The following CFH variants were observed in gnomAD, a reference collection of about 807,000 sequenced individuals.
CFH encodes the protein H factor 1 (complement).
In CFH, 53 loss-of-function variants were observed where a neutral mutation model predicts 147.3. That is an observed-to-expected ratio of 0.36 (90% CI 0.29 to 0.45). The LOEUF (loss-of-function observed/expected upper bound fraction) is 0.45, where lower values mean the gene tolerates loss of function less well. Ranked by LOEUF, CFH falls within the 20% of genes least tolerant of loss-of-function variation. The pLI is 1.00. For missense variants in CFH, 1,380 were observed against 1,498.0 expected, an observed-to-expected ratio of 0.92 and a Z score of 1.30; for synonymous variants, 536 against 489.4, an observed-to-expected ratio of 1.10 and a Z score of -1.26.
chr1:196,742,087 T>C (rs760373629), intron 19 of CFH, 36 bp downstream of exon 19: 17 of 1,604,506 alleles, frequency 1.1e-5, no homozygotes, highest in African/African-American at 4.0e-5. Context: ...ATTTATATAA[T>C]GTGTGGGCCC....
intron 9 of CFH, among the ~76,000 whole-genome samples, chr1:196,706,492 G>A (rs1373360405): frequency 6.6e-6 from 1 of 152,006 alleles, no homozygotes; most frequent in African/African-American, 2.4e-5. Flanking sequence ...ATTAATCCCT[G>A]AAATAAACTT....
rs1157468490 is a variant in CFH, at chr1:196,689,558, A to G, written c.1103A>G (p.Tyr368Cys). 1.9e-6 allele frequency: 3 copies of G among 1,613,600 alleles called. No individual in the cohort carries two copies. Among genetic ancestry groups the G allele is most frequent in the Admixed American group, 3.3e-5 (2 of 59,952 alleles). Residue 368 changes from tyrosine (Y) to cysteine (C), a missense_variant, in exon 8 of 22, where the codon TAC (tyrosine) becomes TGC (cysteine). Physicochemically the swap from Tyr to Cys is radical, Grantham distance 194. Transcript: ENST00000367429. Reference protein sequence around the residue: ...DEHFETPSGSYWDHIHCTQDG... With the variant: ...DEHFETPSGSCWDHIHCTQDG... ...CATTTTGAGACTCCGTCAGGAAGTT[A>G]CTGGGATCACATTCATTGCACACAA... is the stretch of plus-strand genomic sequence containing the variant.
intron 1 of CFH, among the ~76,000 whole-genome samples, chr1:196,659,157 C>T (rs1289337679): frequency 6.6e-6 from 1 of 152,156 alleles, no homozygotes; most frequent in Non-Finnish European, 1.5e-5. Context: ...GTTGTACATA[C>T]ATGCTGAGAG....
rs527447657 is a variant in CFH, at chr1:196,697,902, T to G, written c.1336+7663T>G. ...CATCATTCTCAGCAAACTATGGCAA[T>G]GACAAAAAACCAAGCATCGCATGCT... is the stretch of plus-strand genomic sequence containing the variant. On this transcript the variant is annotated intron_variant, in intron 9 of 21. Transcript: ENST00000367429. Among the ~76,000 whole-genome samples the G allele has an allele frequency of 7.5e-5, 11 of 147,326 alleles. No individual in the cohort carries two copies. In the East Asian group the frequency reaches 1.8e-3, roughly 25 times the overall value.
chr1:196,743,480 A>G lies in CFH; in HGVS notation c.3162A>G (p.Val1054=), dbSNP rs781356337. The part of the protein sequence containing the change: ...RDTSCVNPPT[V]QNAYIVSRQM... ...CCTCCTGTGTGAATCCGCCCACAGT[A>G]CAAAATGCTTATATAGTGTCGAGAC... The change falls in exon 20 of 22, where the codon GTA becomes GTG. Residue 1054 remains valine, a synonymous_variant. Coordinates refer to ENST00000367429, the MANE Select transcript of CFH (RefSeq NM_000186.4). 6.2e-7 allele frequency: 1 copy of G among 1,614,046 alleles called. No homozygotes were observed.
At chr1:196,703,959 T>C (rs1553276728) in intron 9 of CFH, among the ~76,000 whole-genome samples, 1 of 98,856 alleles carries the variant, frequency 1.0e-5, no homozygotes, top group Non-Finnish European at 1.8e-5. Context: ...CACTCCAGCC[T>C]GGGGGACAGA....
At chr1:196,699,768 T>G (rs1668395514) in intron 9 of CFH, among the ~76,000 whole-genome samples, 1 of 152,192 alleles carries the variant, frequency 6.6e-6, no homozygotes, top group Non-Finnish European at 1.5e-5. Flanking sequence ...TTGAATTGCC[T>G]TTGCTCCTTT....
At chr1:196,658,435 G>A (rs1282261835) in intron 1 of CFH, among the ~76,000 whole-genome samples, 4 of 68,376 alleles carry the variant, frequency 5.9e-5, no homozygotes, top group Non-Finnish European at 1.0e-4. Context: ...TTTTTGAGAT[G>A]GAGTCTTGCT....
intron 3 of CFH, among the ~76,000 whole-genome samples, chr1:196,674,903 T>C (rs901563580): frequency 1.3e-5 from 2 of 152,150 alleles, no homozygotes; most frequent in Non-Finnish European, 1.5e-5. Flanking sequence ...CTGCAGCCCT[T>C]AGAAGAGACC....
At chr1:196,743,951 A>G (rs1652910329) in intron 20 of CFH, among the ~76,000 whole-genome samples, 1 of 152,150 alleles carries the variant, frequency 6.6e-6, no homozygotes, top group African/African-American at 2.4e-5. Context: ...GTGCATTCTA[A>G]GATATGGAAT....
At chr1:196,745,174 T>C (rs574071592) in intron 20 of CFH, among the ~76,000 whole-genome samples, 1 of 152,268 alleles carries the variant, frequency 6.6e-6, no homozygotes, top group African/African-American at 2.4e-5. Context: ...TCTTTGGAGT[T>C]CACTCAGCTT....
At position 196,656,701 on chromosome 1, in the gene CFH, T is replaced by C. The variant is rs76090401; in HGVS notation, c.58+4526T>C. On this transcript the variant is annotated intron_variant, in intron 1 of 21. Transcript: ENST00000367429. ...TGTGTGTTGCGTTTTTTTTTTTTTT[T>C]CTCTATTTTCAGGGTCCTAATTGTA... Among the ~76,000 whole-genome samples the C allele has an allele frequency of 1.3e-5, 2 of 150,202 alleles. 1 individual carries two copies. Among genetic ancestry groups the C allele is most frequent in the South Asian group, 4.2e-4 (2 of 4,736 alleles).
chr1:196,725,182 G>A lies in CFH; in HGVS notation c.1758G>A (p.Gln586=). 6.2e-7 allele frequency: 1 copy of A among 1,613,858 alleles called. No individual in the cohort carries two copies. Residue 586 remains glutamine, a synonymous_variant, in exon 12 of 22, where the codon CAG becomes CAA. Transcript: ENST00000367429. ...TAGTTCCTGATCGCAAGAAAGACCA[G>A]TATAAAGTTGGAGAGGTGTTGAAAT... The part of the protein sequence containing the change: ...VHLVPDRKKD[Q]YKVGEVLKFS...
At chr1:196,714,909 C>T (rs1668831605) in intron 10 of CFH, among the ~76,000 whole-genome samples, 2 of 151,098 alleles carry the variant, frequency 1.3e-5, no homozygotes, top group African/African-American at 4.9e-5. Flanking sequence ...CCATGTTAGC[C>T]AGGCTGGTCT....
chr1:196,681,496 A>ACACC (rs1046123197), intron 6 of CFH, among the ~76,000 whole-genome samples: 5 of 149,736 alleles, frequency 3.3e-5, no homozygotes, highest in East Asian at 2.0e-4. Context: ...ACACACACAC[A>ACACC]CCCCTCAAAG....
chr1:196,728,544 A>T, intron 15 of CFH, 22 bp downstream of exon 15: 1 of 1,608,928 alleles, frequency 6.2e-7, no homozygotes, highest in Non-Finnish European at 8.5e-7. Context: ...TTTTGTTTTC[A>T]GAAATGTATT....
intron 9 of CFH, chr1:196,700,891 A>G: frequency 2.0e-6 from 2 of 984,230 alleles, no homozygotes; most frequent in Non-Finnish European, 2.4e-6. Flanking sequence ...TCTCAGAAGA[A>G]GTCTCAGGTG....
chr1:196,699,230 GTT>G (rs34813609), intron 9 of CFH, among the ~76,000 whole-genome samples: 3 of 151,486 alleles, frequency 2.0e-5, no homozygotes, highest in Admixed American at 6.6e-5. Context: ...GAGATAATGT[GTT>G]TTTTTTTCCA....
Position 196,736,931 on chromosome 1 carries a change from G to A in CFH, c.2521G>A (p.Glu841Lys). 6.2e-7 allele frequency: 1 copy of A among 1,611,802 alleles called. No homozygotes were observed. ...AGAAAAAGTATCTGTTCTTTGCCAAGAAAATTATCTAATTCAGGAAGGAGA... is the reference window on the plus strand; with the variant it reads ...AGAAAAAGTATCTGTTCTTTGCCAAAAAAATTATCTAATTCAGGAAGGAGA... ...DGEKVSVLCQ[E>K]NYLIQEGEEI... is the part of the protein sequence containing the mutation. Residue 841 changes from glutamate (E) to lysine (K), a missense_variant, in exon 16 of 22, where the codon GAA (glutamate) becomes AAA (lysine). Coordinates refer to ENST00000367429, the MANE Select transcript of CFH (RefSeq NM_000186.4).
Sources: gnomAD v4.1 joint callset for allele counts (sites outside exome capture counted in the v4.1 genomes callset) on GRCh38, gnomAD v4.1.1 for gene constraint, MANE v1.5 for transcripts, NCBI Gene and HGNC (gene_info 2026-07-23, HGNC 2026-07-21) for gene names.